Variants in FAM186A observed in about 807,000 individuals in gnomAD.
FAM186A encodes family with sequence similarity 186 member A, also known as protein FAM186A.
Under a neutral mutation model 216.8 loss-of-function variants are expected in FAM186A, and 163 were observed. That is an observed-to-expected ratio of 0.75 (90% CI 0.66 to 0.86). The LOEUF (loss-of-function observed/expected upper bound fraction) is 0.86. FAM186A is among the 40% of genes least tolerant of loss of function. The pLI is 0.00. For missense variants in FAM186A, 2,184 were observed against 2,746.2 expected (o/e 0.80, Z 4.58); for synonymous variants, 805 against 1,025.3 (o/e 0.79, Z 4.10).
intron 4 of FAM186A, among the ~76,000 whole-genome samples, chr12:50,336,124 C>CAAA (rs55946153): frequency 3.0e-5 from 4 of 133,420 alleles, no homozygotes; most frequent in East Asian, 2.2e-4. Context: ...GACTCCATCT[C>CAAA]AAAAAAAAAA....
chr12:50,355,205 T>A lies in FAM186A; in HGVS notation c.1627A>T (p.Met543Leu), dbSNP rs1215787009. ...QGGKSGTSMM[M>L]LEQFRKVKRE... ...TTGACCTTCCTAAATTGCTCCAACA[T>A]CATCATACTTGTTCCACTTTTGCCA... The change falls in exon 4 of 8, where the codon ATG (methionine) becomes TTG (leucine). Residue 543 changes from methionine (M) to leucine (L), a missense_variant. Transcript: ENST00000327337. The A allele has an allele frequency of 1.9e-6, 3 of 1,551,750 alleles. No homozygotes were observed. Among genetic ancestry groups the A allele is most frequent in the South Asian group, 2.4e-5 (2 of 84,064 alleles).
At chr12:50,390,001 T>A (rs1943342695) in intron 1 of FAM186A, among the ~76,000 whole-genome samples, 1 of 152,162 alleles carries the variant, frequency 6.6e-6, no homozygotes, top group African/African-American at 2.4e-5. Context: ...TAGCCCTCAC[T>A]CCACAGGTAA....
rs186938575 is a variant in FAM186A, at chr12:50,396,303, C to A, written c.182G>T (p.Arg61Leu). The change falls in exon 1 of 8, where the codon CGA (arginine) becomes CTA (leucine). Residue 61 changes from arginine (R) to leucine (L), a missense_variant. Physicochemically the swap from Arg to Leu is moderately radical, Grantham distance 102 (BLOSUM62 -2). This residue lies in a region of FAM186A where 1,132 missense variants were observed against 1,263.4 expected (regional missense o/e 0.90). Coordinates refer to ENST00000327337, the MANE Select transcript of FAM186A (RefSeq NM_001145475.3). ...AGATTCACTACCTACCTCTCTGGCT[C>A]GATGGAGCTGTGCGCGCTCAATCCT... ...ISRIERAQLH[R>L]AREDIDMQLS... 54 of 1,536,440 alleles carry A rather than the reference C, an allele frequency of 3.5e-5. No homozygotes were observed. The Admixed American group carries it at 5.8e-4, about 17-fold the overall frequency.
intron 4 of FAM186A, among the ~76,000 whole-genome samples, chr12:50,342,441 CTTTTTTA>C (rs760930140): frequency 5.6e-4 from 85 of 151,188 alleles, no homozygotes; most frequent in Admixed American, 1.5e-3. Flanking sequence ...GAAAAATCTC[CTTTTTTA>C]TTTTTTATTT....
intron 1 of FAM186A, among the ~76,000 whole-genome samples, chr12:50,373,574 T>C (rs1374272174): frequency 6.6e-6 from 1 of 152,168 alleles, no homozygotes; most frequent in African/African-American, 2.4e-5. Context: ...ATGAAAATAG[T>C]CACAAAAAAT....
chr12:50,363,674 G>A (rs137914949), intron 1 of FAM186A, among the ~76,000 whole-genome samples: 14 of 150,854 alleles, frequency 9.3e-5, no homozygotes, highest in African/African-American at 3.2e-4. Context: ...TCCCTCTGCC[G>A]CCTCTGTAAA....
At chr12:50,380,085 A>T (rs923664681) in intron 1 of FAM186A, among the ~76,000 whole-genome samples, 1 of 152,236 alleles carries the variant, frequency 6.6e-6, no homozygotes, top group African/African-American at 2.4e-5. Flanking sequence ...CATATACTCG[A>T]TAATAAACTG....
chr12:50,337,419 C>T (rs1202559575), intron 4 of FAM186A, among the ~76,000 whole-genome samples: 1 of 149,604 alleles, frequency 6.7e-6, no homozygotes, highest in Non-Finnish European at 1.5e-5. Flanking sequence ...CTCAGCCCCC[C>T]TCGGTAGCTG....
intron 2 of FAM186A, among the ~76,000 whole-genome samples, chr12:50,362,492 C>A (rs12299669): frequency 0.64 from 96,433 of 151,276 alleles, 31,288 homozygotes; most frequent in East Asian, 0.74. Flanking sequence ...TGCCTGTAAT[C>A]CCAGCACTTT....
intron 1 of FAM186A, among the ~76,000 whole-genome samples, chr12:50,389,045 G>A (rs1220506059): frequency 6.6e-6 from 1 of 151,134 alleles, no homozygotes; most frequent in Non-Finnish European, 1.5e-5. Context: ...ACAGCAGAGG[G>A]AGACTCTGTC....
intron 1 of FAM186A, among the ~76,000 whole-genome samples, chr12:50,372,709 T>C (rs1943153086): frequency 6.6e-6 from 1 of 151,464 alleles, no homozygotes; most frequent in South Asian, 2.1e-4. Flanking sequence ...GAGACTGACC[T>C]GCCCAAGATG....
At chr12:50,377,586 A>G (rs535423183) in intron 1 of FAM186A, among the ~76,000 whole-genome samples, 1 of 152,276 alleles carries the variant, frequency 6.6e-6, no homozygotes, top group South Asian at 2.1e-4. Flanking sequence ...TAATCCTAGC[A>G]CTTTGGGAGG....
chr12:50,346,201 A>AG (rs1942810621), intron 4 of FAM186A, among the ~76,000 whole-genome samples: 14 of 76,698 alleles, frequency 1.8e-4, no homozygotes, highest in African/African-American at 4.7e-4. Flanking sequence ...GAAAGAAAGA[A>AG]AGAGAGAGAG....
intron 1 of FAM186A, among the ~76,000 whole-genome samples, chr12:50,374,045 G>C (rs536239631): frequency 6.6e-6 from 1 of 150,656 alleles, no homozygotes; most frequent in African/African-American, 2.4e-5. Flanking sequence ...GTAAACTATC[G>C]CAAGAACAAA....
Position 50,353,850 on chromosome 12 carries a change from T to C in FAM186A, c.2982A>G (p.Gln994=), listed in dbSNP as rs1942940423. Residue 994 remains glutamine (Q), a synonymous_variant, in exon 4 of 8, where the codon CAA becomes CAG. Transcript: ENST00000327337. ...TKDQMQMKET[Q]PKELEKMVIQ... ...TGACCATTTTTTCTAGCTCTTTAGGTTGTGTTTCCTTCATCTGCATCTGAT... is the reference window on the plus strand; with the variant it reads ...TGACCATTTTTTCTAGCTCTTTAGGCTGTGTTTCCTTCATCTGCATCTGAT... 6.4e-7 allele frequency: 1 copy of C among 1,551,686 alleles called. No homozygotes were observed. Among genetic ancestry groups the C allele is most frequent in the Non-Finnish European group, 8.7e-7 (1 of 1,146,972 alleles).
intron 4 of FAM186A, among the ~76,000 whole-genome samples, chr12:50,348,259 G>A (rs111356810): frequency 6.6e-6 from 1 of 151,508 alleles, no homozygotes; most frequent in Non-Finnish European, 1.5e-5. Flanking sequence ...GGCTGGTCTC[G>A]AACTCCTGAC....
intron 4 of FAM186A, among the ~76,000 whole-genome samples, chr12:50,338,443 C>T (rs1021647373): frequency 3.3e-5 from 5 of 152,172 alleles, no homozygotes; most frequent in Non-Finnish European, 5.9e-5. Flanking sequence ...TCAGGTGATT[C>T]ACCCGCCTCA....
At chr12:50,390,846 C>A (rs1943350229) in intron 1 of FAM186A, among the ~76,000 whole-genome samples, 1 of 152,222 alleles carries the variant, frequency 6.6e-6, no homozygotes, top group Non-Finnish European at 1.5e-5. Flanking sequence ...GTAGCCACCA[C>A]CCCTGGCTAA....
intron 7 of FAM186A, among the ~76,000 whole-genome samples, chr12:50,330,355 A>G (rs1942644200): frequency 6.6e-6 from 1 of 152,186 alleles, no homozygotes; most frequent in Admixed American, 6.5e-5. Context: ...TTTGTTTTAC[A>G]TTATTCAGTG....
Sources: gnomAD v4.1 joint callset for allele counts (sites outside exome capture counted in the v4.1 genomes callset) on GRCh38, gnomAD v4.1.1 for gene constraint, gnomAD v4.1.1 regional missense constraint, MANE v1.5 for transcripts, NCBI Gene and HGNC (gene_info 2026-07-23, HGNC 2026-07-21) for gene names.